Variants in TNFRSF13B observed in about 807,000 individuals in gnomAD.
TNFRSF13B encodes the protein tumor necrosis factor receptor superfamily member 13B.
TNFRSF13B carries 34 observed loss-of-function variants against 24.0 expected under a neutral mutation model. That is an observed-to-expected ratio of 1.41 (90% CI 1.08 to 1.88). The LOEUF (loss-of-function observed/expected upper bound fraction) is 1.88, where lower values mean the gene tolerates loss of function less well. Among genes scored for constraint, TNFRSF13B ranks in the 40% most tolerant of loss-of-function variants. The pLI is 0.00. For missense variants in TNFRSF13B, 415 were observed against 380.8 expected (o/e 1.09, Z -0.75); for synonymous variants, 173 against 150.3 (o/e 1.15, Z -1.10).
At chr17:16,954,802 C>T (rs2087613793) in intron 1 of TNFRSF13B, among the ~76,000 whole-genome samples, 1 of 152,202 alleles carries the variant, frequency 6.6e-6, no homozygotes. Context: ...AGGTGCCAGT[C>T]CCTCACCCAC....
intron 1 of TNFRSF13B, among the ~76,000 whole-genome samples, chr17:16,962,476 C>T (rs975673577): frequency 6.6e-6 from 1 of 150,984 alleles, no homozygotes; most frequent in African/African-American, 2.4e-5. Flanking sequence ...CACTGCACTC[C>T]AGCCTGGGCC....
At chr17:16,968,699 T>C (rs1388866367) in intron 1 of TNFRSF13B, among the ~76,000 whole-genome samples, 1 of 152,214 alleles carries the variant, frequency 6.6e-6, no homozygotes, top group Non-Finnish European at 1.5e-5. Context: ...TTGATCAAAA[T>C]TGGACTTAAT....
At position 16,948,752 on chromosome 17, in the gene TNFRSF13B, G is replaced by C. The variant is rs104894650; in HGVS notation, c.431C>G (p.Ser144Ter). Residue 144 changes from serine to a stop codon, truncating the protein, a stop_gained, in exon 3 of 5, where the codon TCA becomes TGA. Coordinates refer to ENST00000261652, the MANE Select transcript of TNFRSF13B (RefSeq NM_012452.3). LOFTEE classifies it high-confidence loss of function. ...GGGTGGCTTACCTGGACTTGCTTCT[G>C]AGCCTCTGTGCTCCAATCCTTGGTA... Reference protein sequence around the residue: ...GRYQGLEHRGSEASPALPGLK... With the variant: ...GRYQGLEHRG 4.2e-5 allele frequency: 68 copies of C among 1,613,948 alleles called. No individual in the cohort carries two copies. Among genetic ancestry groups the C allele is most frequent in the Non-Finnish European group, 5.4e-5 (64 of 1,180,050 alleles).
intron 3 of TNFRSF13B, among the ~76,000 whole-genome samples, chr17:16,945,362 C>T (rs553961783): frequency 9.2e-5 from 14 of 152,314 alleles, no homozygotes; most frequent in South Asian, 4.1e-4. Context: ...AACAGTTCAC[C>T]GCCAAGGAGC....
intron 1 of TNFRSF13B, among the ~76,000 whole-genome samples, chr17:16,954,008 G>C (rs570307833): frequency 6.6e-6 from 1 of 152,280 alleles, no homozygotes; most frequent in South Asian, 2.1e-4. Flanking sequence ...CTCGTGATCC[G>C]CCCGAGTCGG....
chr17:16,953,924 G>A (rs547849028), intron 1 of TNFRSF13B, among the ~76,000 whole-genome samples: 162 of 152,258 alleles, frequency 1.1e-3, no homozygotes, highest in African/African-American at 3.9e-3. Flanking sequence ...ATGCTACCAT[G>A]TCTGGCTAAT....
intron 2 of TNFRSF13B, among the ~76,000 whole-genome samples, chr17:16,949,294 G>C (rs1012346413): frequency 6.6e-6 from 1 of 152,024 alleles, no homozygotes; most frequent in East Asian, 1.9e-4. Flanking sequence ...GTTTCCAAAC[G>C]TATGAAGATT....
rs6502544 is a variant in TNFRSF13B, at chr17:16,971,747, A to G, written c.61+268T>C. On this transcript the variant is annotated intron_variant, in intron 1 of 4. Transcript: ENST00000261652. ...GTAAGGGGGAAAATGGGGGCTGTGC[A>G]GGGGCCATGGTGACAAAGGGAATTC... Among the ~76,000 whole-genome samples, 98,540 of 151,936 alleles carry G rather than the reference A, an allele frequency of 0.65. 32,382 individuals are homozygous for G. The highest frequency in any genetic ancestry group is 0.76 in the African/African-American group (31,319 of 41,424).
chr17:16,940,573 A>G, intron 3 of TNFRSF13B, 62 bp from the exon 4 acceptor site: 2 of 1,570,022 alleles, frequency 1.3e-6, no homozygotes, highest in South Asian at 1.2e-5. Flanking sequence ...ATTAGGCTCA[A>G]GCAATCCACA....
At chr17:16,955,988 AG>A (rs1457549013) in intron 1 of TNFRSF13B, among the ~76,000 whole-genome samples, 1 of 152,206 alleles carries the variant, frequency 6.6e-6, no homozygotes, top group Non-Finnish European at 1.5e-5. Flanking sequence ...GTGACCACTG[AG>A]GGGCCGGCAC....
chr17:16,945,134 G>C (rs1269764797), intron 3 of TNFRSF13B, among the ~76,000 whole-genome samples: 1 of 152,206 alleles, frequency 6.6e-6, no homozygotes, highest in Non-Finnish European at 1.5e-5. Context: ...GCCACCAAAA[G>C]CCGCGCCATG....
chr17:16,941,091 C>T (rs2087506839), intron 3 of TNFRSF13B: 3 of 584,542 alleles, frequency 5.1e-6, no homozygotes, highest in Non-Finnish European at 6.6e-6. Flanking sequence ...AATATAGATG[C>T]CATGTAGAAG....
chr17:16,955,334 A>G (rs983703629), intron 1 of TNFRSF13B, among the ~76,000 whole-genome samples: 3 of 152,262 alleles, frequency 2.0e-5, no homozygotes, highest in African/African-American at 7.2e-5. Flanking sequence ...AAGAGCAGCA[A>G]CAGTTGAGAT....
Position 16,940,682 on chromosome 17 carries a change from A to ATCC in TNFRSF13B, c.446-172_446-171insGGA. 8 of 1,471,140 alleles carry ATCC rather than the reference A, an allele frequency of 5.4e-6. No individual in the cohort carries two copies. The South Asian group carries it at 1.1e-4, about 20-fold the overall frequency. The allele number at this position is 1,471,140 out of a possible 1,614,324, so 91.1% of individuals were successfully genotyped here. A position where few individuals can be genotyped will look rare whatever the true frequency, so the allele number is the denominator to read the frequency against. On this transcript the variant is annotated intron_variant, in intron 3 of 4. Transcript: ENST00000261652. ...TGGGATGCTCTCTGGATCCTGGAGG[A>ATCC]AGTTGATCCACTCCCCCATCCTGGC... is the stretch of plus-strand genomic sequence containing the variant.
chr17:16,952,406 G>T, intron 2 of TNFRSF13B, 40 bp downstream of exon 2: 3 of 1,613,312 alleles, frequency 1.9e-6, no homozygotes, highest in African/African-American at 1.3e-5. Flanking sequence ...AAGGAGGAGG[G>T]TGATCACACT....
intron 4 of TNFRSF13B, 106 bp from the exon 5 acceptor site, chr17:16,939,903 A>G (rs892809644): frequency 6.4e-6 from 9 of 1,411,238 alleles, no homozygotes; most frequent in African/African-American, 2.9e-5. Flanking sequence ...GCTAAGGGCA[A>G]TCACCAGCGT....
At chr17:16,942,446 A>T (rs917724429) in intron 3 of TNFRSF13B, among the ~76,000 whole-genome samples, 1 of 151,846 alleles carries the variant, frequency 6.6e-6, no homozygotes, top group Non-Finnish European at 1.5e-5. Flanking sequence ...TACAGGGGGG[A>T]GATGGGAACT....
chr17:16,964,222 C>G (rs945834176), intron 1 of TNFRSF13B, among the ~76,000 whole-genome samples: 3 of 152,000 alleles, frequency 2.0e-5, no homozygotes, highest in Non-Finnish European at 2.9e-5. Context: ...TATGCTTTTT[C>G]CCCGGGCTAT....
intron 3 of TNFRSF13B, chr17:16,941,436 A>C: frequency 1.0e-6 from 1 of 987,646 alleles, no homozygotes; most frequent in South Asian, 4.7e-5. Flanking sequence ...TCCTTATCCC[A>C]AAAGCTCTTC....
Sources: allele counts gnomAD v4.1 joint callset (sites outside exome capture counted in the v4.1 genomes callset), GRCh38; gene constraint gnomAD v4.1.1; transcripts MANE v1.5; gene names NCBI Gene and HGNC (gene_info 2026-07-23, HGNC 2026-07-21).